Variants in MMP16 observed in about 807,000 individuals in gnomAD.
MMP16 encodes matrix metalloproteinase-16.
MMP16 carries 12 observed loss-of-function variants against 67.8 expected under a neutral mutation model. The observed-to-expected ratio is 0.18, with a 90% CI of 0.11 to 0.29. The LOEUF (loss-of-function observed/expected upper bound fraction) is 0.29. MMP16 is among the 10% of genes least tolerant of loss of function. The probability of loss-of-function intolerance (pLI) is 1.00; values close to 1 mark genes in which losing one functional copy is unlikely to be tolerated. For missense variants in MMP16, 475 were observed against 765.7 expected (o/e 0.62, Z 4.48); for synonymous variants, 249 against 255.9 (o/e 0.97, Z 0.26).
chr8:88,144,393 A>T (rs1808258704), intron 4 of MMP16, among the ~76,000 whole-genome samples: 1 of 151,928 alleles, frequency 6.6e-6, no homozygotes, highest in Non-Finnish European at 1.5e-5. Flanking sequence ...ACAATATTTA[A>T]AATTTTTGTT....
At chr8:88,106,391 A>C (rs988286817) in intron 6 of MMP16, among the ~76,000 whole-genome samples, 2 of 151,286 alleles carry the variant, frequency 1.3e-5, no homozygotes, top group African/African-American at 4.8e-5. Flanking sequence ...TGGCTAGGCT[A>C]TGTCTAAGGC....
chr8:88,206,158 A>T (rs1809422942), intron 1 of MMP16, among the ~76,000 whole-genome samples: 2 of 151,924 alleles, frequency 1.3e-5, no homozygotes, highest in Non-Finnish European at 2.9e-5. Flanking sequence ...ATATAATCTA[A>T]ATTTATCATT....
At chr8:88,236,361 C>A (rs7826477) in intron 1 of MMP16, among the ~76,000 whole-genome samples, 1 of 152,112 alleles carries the variant, frequency 6.6e-6, no homozygotes, top group African/African-American at 2.4e-5. Flanking sequence ...GCCTGACACA[C>A]GGTAGGCACT....
intron 1 of MMP16, among the ~76,000 whole-genome samples, chr8:88,235,125 A>T (rs1028818199): frequency 2.6e-5 from 4 of 152,258 alleles, no homozygotes; most frequent in South Asian, 2.1e-4. Flanking sequence ...CTGACTTTTT[A>T]AAAAAGTTTC....
At chr8:88,114,600 A>C (rs1358176320) in intron 6 of MMP16, among the ~76,000 whole-genome samples, 1 of 152,022 alleles carries the variant, frequency 6.6e-6, no homozygotes, top group Non-Finnish European at 1.5e-5. Context: ...AAAAAGTATG[A>C]AATTATGTGA....
chr8:88,050,514 C>T (rs896507256), intron 8 of MMP16, among the ~76,000 whole-genome samples: 1 of 152,070 alleles, frequency 6.6e-6, no homozygotes, highest in Non-Finnish European at 1.5e-5. Context: ...AATTTATATA[C>T]ATATATTGTT....
At chr8:88,116,824 G>A (rs1809445707) in intron 5 of MMP16, 106 bp from the exon 6 acceptor site, 1 of 957,030 alleles carries the variant, frequency 1.0e-6, no homozygotes, top group Non-Finnish European at 1.6e-6. Flanking sequence ...CAGACTAACT[G>A]AACTAAGAGG....
In MMP16 at chr8:88,092,322, T is replaced by C. The variant is rs139197502; in HGVS notation, c.1084-17579A>G. On this transcript the variant is annotated intron_variant, in intron 6 of 9. Transcript: ENST00000286614. ...TTGGAATGTTCTTTCCTTTTATCTT[T>C]GCATTGCTCGTTCCTTTATCTGTTT... is the stretch of plus-strand genomic sequence containing the variant. Among the ~76,000 whole-genome samples the C allele has an allele frequency of 9.6e-4, 146 of 152,046 alleles. 1 individual carries two copies. The highest frequency in any genetic ancestry group is 1.9e-3 in the Non-Finnish European group (128 of 67,868).
chr8:88,184,479 T>G (rs1021709585), intron 3 of MMP16, among the ~76,000 whole-genome samples: 1 of 146,260 alleles, frequency 6.8e-6, no homozygotes, highest in Non-Finnish European at 1.5e-5. Flanking sequence ...CTGTAATCTC[T>G]GTGCTTTGGA....
chr8:88,113,222 C>G (rs1268009091), intron 6 of MMP16, among the ~76,000 whole-genome samples: 1 of 151,626 alleles, frequency 6.6e-6, no homozygotes, highest in East Asian at 1.9e-4. Context: ...TAATAACACA[C>G]TAACTGAATA....
intron 4 of MMP16, among the ~76,000 whole-genome samples, chr8:88,134,743 T>C (rs544035792): frequency 1.5e-4 from 23 of 151,586 alleles, no homozygotes; most frequent in Non-Finnish European, 3.1e-4. Context: ...CCATCCCTTA[T>C]TTTTTTTCTA....
rs1808137095 is a variant in MMP16, at chr8:88,041,850, T to C, written c.1490-55A>G. On this transcript the variant is annotated intron_variant, in intron 9 of 9. Transcript: ENST00000286614. This position sits in a 1 kb window ranked among gnomAD's most constrained non-coding sequence, Gnocchi z 6.0. ...TACCACTTATTTGTGACAGTGTATA[T>C]GTAGAGAAATGTTACTAAAATAGGC... 1 of 1,290,008 alleles carries C rather than the reference T, an allele frequency of 7.8e-7. No homozygotes were observed. Among genetic ancestry groups the C allele is most frequent in the Admixed American group, 2.1e-5 (1 of 47,482 alleles). The allele number at this position is 1,290,008 out of a possible 1,614,324, so 79.9% of individuals were successfully genotyped here.
chr8:88,324,669 T>C (rs1034156466), intron 1 of MMP16, among the ~76,000 whole-genome samples: 6 of 152,106 alleles, frequency 3.9e-5, no homozygotes, highest in Non-Finnish European at 7.4e-5. Flanking sequence ...TGTGTATGTT[T>C]TGCAACCAGA....
intron 6 of MMP16, among the ~76,000 whole-genome samples, chr8:88,084,663 A>C (rs72675142): frequency 6.6e-6 from 1 of 152,170 alleles, no homozygotes; most frequent in Non-Finnish European, 1.5e-5. Context: ...AGAAAATATA[A>C]GCAAAACACT....
At chr8:88,095,302 T>C (rs1809007263) in intron 6 of MMP16, among the ~76,000 whole-genome samples, 1 of 151,804 alleles carries the variant, frequency 6.6e-6, no homozygotes, top group African/African-American at 2.4e-5. Context: ...ATTTTTTTTT[T>C]CCACCAGCAA....
intron 6 of MMP16, among the ~76,000 whole-genome samples, chr8:88,110,730 G>A (rs771635429): frequency 4.6e-5 from 7 of 151,462 alleles, no homozygotes; most frequent in Admixed American, 1.3e-4. Flanking sequence ...ACAACAAACT[G>A]TTTCACTCAC....
At chr8:88,244,959 A>G (rs1430275915) in intron 1 of MMP16, among the ~76,000 whole-genome samples, 1 of 152,132 alleles carries the variant, frequency 6.6e-6, no homozygotes, top group Non-Finnish European at 1.5e-5. Flanking sequence ...AACATCTCTC[A>G]GCAACTTCCT....
intron 5 of MMP16, 149 bp from the exon 6 acceptor site, chr8:88,116,867 A>G: frequency 1.4e-6 from 1 of 696,556 alleles, no homozygotes; most frequent in Non-Finnish European, 2.3e-6. Context: ...GAAAAAAACA[A>G]AATATCTTAC....
intron 4 of MMP16, among the ~76,000 whole-genome samples, chr8:88,121,786 A>T (rs569870626): frequency 1.3e-5 from 2 of 152,148 alleles, no homozygotes; most frequent in South Asian, 4.1e-4. Flanking sequence ...TAGAATATTA[A>T]ACTATATTAT....
Sources: allele counts gnomAD v4.1 joint callset (sites outside exome capture counted in the v4.1 genomes callset), GRCh38; gene constraint gnomAD v4.1.1; non-coding constraint Gnocchi (gnomAD v3.1); transcripts MANE v1.5; gene names NCBI Gene and HGNC (gene_info 2026-07-23, HGNC 2026-07-21).